RPTOR: variants seen among roughly 807,000 people sequenced by gnomAD.
RPTOR encodes the protein regulatory associated protein of MTOR complex 1.
Under a neutral mutation model 169.9 loss-of-function variants are expected in RPTOR, and 21 were observed. That is an observed-to-expected ratio of 0.12 (90% CI 0.09 to 0.18). RPTOR has a LOEUF of 0.18. Among genes scored for constraint, RPTOR ranks in the 10% least tolerant of loss-of-function variants. The pLI, the probability that RPTOR is intolerant of heterozygous loss-of-function variation, is 1.00. For synonymous variants in RPTOR, 732 were observed against 753.2 expected, an observed-to-expected ratio of 0.97 and a Z score of 0.46; for missense variants, 1,133 against 1,855.9, an observed-to-expected ratio of 0.61 and a Z score of 7.16.
At chr17:80,835,899 G>A (rs981619860) in intron 9 of RPTOR, among the ~76,000 whole-genome samples, 3 of 152,218 alleles carry the variant, frequency 2.0e-5, no homozygotes, top group South Asian at 2.1e-4. Context: ...TGCTGAGAGC[G>A]AGGTGATGAT....
At chr17:80,853,942 C>G (rs376432194) in intron 11 of RPTOR, among the ~76,000 whole-genome samples, 2 of 151,468 alleles carry the variant, frequency 1.3e-5, no homozygotes, top group South Asian at 4.2e-4. Context: ...GATTGCGCCA[C>G]TGCACTCCAG....
intron 6 of RPTOR, among the ~76,000 whole-genome samples, chr17:80,785,073 C>A (rs1043201617): frequency 6.6e-6 from 1 of 152,194 alleles, no homozygotes; most frequent in Admixed American, 6.5e-5. Flanking sequence ...AAACCAGACA[C>A]CTCCAGCAGT....
intron 1 of RPTOR, among the ~76,000 whole-genome samples, chr17:80,608,475 T>A (rs932512112): frequency 6.6e-6 from 1 of 152,210 alleles, no homozygotes; most frequent in African/African-American, 2.4e-5. Flanking sequence ...TTGTCACCGA[T>A]AATCCAGATT....
chr17:80,893,908 G>GTC, intron 20 of RPTOR, 43 bp downstream of exon 20: 1 of 1,503,192 alleles, frequency 6.7e-7, no homozygotes, highest in Non-Finnish European at 8.9e-7. Flanking sequence ...GGCCCCGAGG[G>GTC]TCTCCTCCCC....
intron 14 of RPTOR, among the ~76,000 whole-genome samples, chr17:80,882,306 C>T (rs140081935): frequency 5.3e-5 from 8 of 152,344 alleles, no homozygotes; most frequent in African/African-American, 1.9e-4. Flanking sequence ...ATTTTAAAAG[C>T]AGGATGAATC....
At chr17:80,792,830 C>T (rs931852174) in intron 7 of RPTOR, among the ~76,000 whole-genome samples, 3 of 152,050 alleles carry the variant, frequency 2.0e-5, no homozygotes, top group African/African-American at 7.2e-5. Flanking sequence ...TTTATTTCCC[C>T]CTCTGTTTTC....
Position 80,633,006 on chromosome 17 carries a change from C to T in RPTOR, c.265+7213C>T, listed in dbSNP as rs767274509. On this transcript the variant is annotated intron_variant, in intron 2 of 33. Coordinates refer to ENST00000306801, the MANE Select transcript of RPTOR (RefSeq NM_020761.3). This position sits in a 1 kb window ranked among gnomAD's most constrained non-coding sequence, Gnocchi z 4.1. ...GGAGACAGGGTCTCACTTTGTTGCT[C>T]AGGCTGGTCTCGAACTCCTGGGCTC... 2.0e-4 allele frequency among the ~76,000 whole-genome samples: 31 copies of T among 152,112 alleles called. No homozygotes were observed. The highest frequency in any genetic ancestry group is 3.4e-4 in the Non-Finnish European group (23 of 68,020).
In RPTOR at chr17:80,585,541, A is replaced by G. The variant is rs542099088; in HGVS notation, c.162+39750A>G. 2.2e-4 allele frequency among the ~76,000 whole-genome samples: 33 copies of G among 152,330 alleles called. No homozygotes were observed. In the East Asian group the frequency reaches 5.0e-3, roughly 23 times the overall value. On this transcript the variant is annotated intron_variant, in intron 1 of 33. Transcript: ENST00000306801. ...TTTCCTCAGTGCCGTGGAGGCGCAC[A>G]GGGCTGCTGCACCCGTTAGGGTGGC...
At chr17:80,834,753 C>T (rs1302099634) in intron 9 of RPTOR, among the ~76,000 whole-genome samples, 1 of 152,214 alleles carries the variant, frequency 6.6e-6, no homozygotes, top group Non-Finnish European at 1.5e-5. Context: ...CCTTGGAGAA[C>T]GTGCGAATAG....
chr17:80,552,716 C>A (rs2084360401), intron 1 of RPTOR, among the ~76,000 whole-genome samples: 1 of 152,208 alleles, frequency 6.6e-6, no homozygotes, highest in African/African-American at 2.4e-5. Flanking sequence ...GATGAGGTAA[C>A]TGACGTTTTA....
chr17:80,922,115 C>T (rs992873866), intron 21 of RPTOR, among the ~76,000 whole-genome samples: 2 of 152,238 alleles, frequency 1.3e-5, no homozygotes, highest in African/African-American at 4.8e-5. Context: ...CAGTGGCCTG[C>T]GTGGAGGCCT....
intron 24 of RPTOR, among the ~76,000 whole-genome samples, chr17:80,930,195 GCCCAGCTCATC>G (rs1567993346): frequency 1.6e-4 from 3 of 18,746 alleles, no homozygotes; most frequent in Non-Finnish European, 1.2e-4. Flanking sequence ...CCCAGCTCAT[GCCCAGCTCATC>G]CCCAGCTCAT....
chr17:80,665,388 C>G lies in RPTOR; in HGVS notation c.348+21578C>G, dbSNP rs1366640317. 1.9e-3 allele frequency among the ~76,000 whole-genome samples: 11 copies of G among 5,724 alleles called. No individual in the cohort carries two copies. In the South Asian group the frequency reaches 0.075, roughly 39 times the overall value. 3.8% of individuals were successfully genotyped at this position (5,724 alleles called of 152,430 possible). On this transcript the variant is annotated intron_variant, in intron 3 of 33. Transcript: ENST00000306801. ...CTTTCCTTTCCTTTCCTTTCCTTTC[C>G]TTTCCTTTCCTTTCCTTTCCTTTCC...
At chr17:80,760,300 CTTTTTTCT>C (rs1388394886) in intron 6 of RPTOR, among the ~76,000 whole-genome samples, 5 of 96,500 alleles carry the variant, frequency 5.2e-5, no homozygotes, top group African/African-American at 1.2e-4. Flanking sequence ...TTTCTTTTTT[CTTTTTTCT>C]TTTTTTTTTT....
chr17:80,823,049 G>T lies in RPTOR; in HGVS notation c.992-30G>T, dbSNP rs1386463732. 1 of 1,608,286 alleles carries T rather than the reference G, an allele frequency of 6.2e-7. No homozygotes were observed. The highest frequency in any genetic ancestry group is 1.7e-5 in the Admixed American group (1 of 59,188). ...TAAATGCTAGACACAAGTCACTGTAGACTCCTTTTTATCTTTTATCTGCCC... is the reference window on the plus strand; with the variant it reads ...TAAATGCTAGACACAAGTCACTGTATACTCCTTTTTATCTTTTATCTGCCC... On this transcript the variant is annotated intron_variant, in intron 8 of 33. Coordinates refer to ENST00000306801, the MANE Select transcript of RPTOR (RefSeq NM_020761.3). The surrounding 1 kb of genome is among the most constrained non-coding windows in gnomAD (Gnocchi z 4.5).
At position 80,769,691 on chromosome 17, in the gene RPTOR, G is replaced by A. The variant is rs773294931; in HGVS notation, c.830+15506G>A. On this transcript the variant is annotated intron_variant, in intron 6 of 33. Coordinates refer to ENST00000306801, the MANE Select transcript of RPTOR (RefSeq NM_020761.3). ...CTGTTGGGGTGTCCTCGTATCACCC[G>A]CTATGATGAGTGAAATTTCACCAGC... 1.6e-4 allele frequency among the ~76,000 whole-genome samples: 24 copies of A among 152,240 alleles called. 1 individual carries two copies. The highest frequency in any genetic ancestry group is 6.8e-3 in the Middle Eastern group (2 of 294).
chr17:80,742,768 A>G (rs1400440669), intron 5 of RPTOR, among the ~76,000 whole-genome samples: 1 of 152,046 alleles, frequency 6.6e-6, no homozygotes, highest in Non-Finnish European at 1.5e-5. Context: ...ATAGACACGC[A>G]CATGTATACA....
chr17:80,890,108 G>A (rs62068461), intron 17 of RPTOR, among the ~76,000 whole-genome samples: 23 of 151,958 alleles, frequency 1.5e-4, no homozygotes, highest in African/African-American at 4.1e-4. Context: ...GGGAGGCCCC[G>A]TGCGCAGCAG....
At chr17:80,891,278 C>T (rs1049464433) in intron 17 of RPTOR, among the ~76,000 whole-genome samples, 3 of 152,280 alleles carry the variant, frequency 2.0e-5, no homozygotes, top group Non-Finnish European at 4.4e-5. Context: ...TCGGCTTGTC[C>T]GCTGCACTCG....
Sources: gnomAD v4.1 joint callset for allele counts (sites outside exome capture counted in the v4.1 genomes callset) on GRCh38, gnomAD v4.1.1 for gene constraint, Gnocchi (gnomAD v3.1) non-coding constraint, MANE v1.5 for transcripts, NCBI Gene and HGNC (gene_info 2026-07-23, HGNC 2026-07-21) for gene names.